Variants in SLC14A2 observed in about 807,000 individuals in gnomAD.
The protein encoded by SLC14A2 is urea transporter 2.
In SLC14A2, 91 loss-of-function variants were observed where a neutral mutation model predicts 104.6. The observed-to-expected ratio is 0.87, with a 90% confidence interval of 0.73 to 1.04. SLC14A2 has a LOEUF of 1.04. Ranked by LOEUF, SLC14A2 falls within the 50% of genes least tolerant of loss-of-function variation. SLC14A2 has a pLI of 0.00. For synonymous variants in SLC14A2, 476 were observed against 466.4 expected (o/e 1.02, Z -0.27); for missense variants, 1,189 against 1,156.0 (o/e 1.03, Z -0.41).
chr18:45,593,418 ATAATAT>A (rs1019177190), intron 2 of SLC14A2, among the ~76,000 whole-genome samples: 1 of 151,854 alleles, frequency 6.6e-6, no homozygotes, highest in African/African-American at 2.4e-5. Flanking sequence ...CCAAACAATA[ATAATAT>A]TAATAATAGT....
chr18:45,174,061 A>G, the SLC14A2 span, among the ~76,000 whole-genome samples: 2 of 152,248 alleles, frequency 1.3e-5, no homozygotes, highest in South Asian at 4.1e-4. Flanking sequence ...AGTGTATGTT[A>G]CCAGGTCAAT....
intron 2 of SLC14A2, among the ~76,000 whole-genome samples, chr18:45,535,663 C>G (rs1355089835): frequency 1.3e-5 from 2 of 152,124 alleles, no homozygotes; most frequent in South Asian, 2.1e-4. Context: ...TTTGAGTGAG[C>G]AAAAGGCCTG....
At chr18:45,426,574 A>G (rs1247751675) in intron 1 of SLC14A2, among the ~76,000 whole-genome samples, 1 of 150,448 alleles carries the variant, frequency 6.6e-6, no homozygotes, top group Non-Finnish European at 1.5e-5. Flanking sequence ...GTATACACAC[A>G]TATATATAGT....
At chr18:45,224,635 T>C (rs2084096036) in intron 1 of SLC14A2, among the ~76,000 whole-genome samples, 1 of 152,092 alleles carries the variant, frequency 6.6e-6, no homozygotes, top group Non-Finnish European at 1.5e-5. Context: ...CCAGCCAGTG[T>C]GTTAAGCATT....
chr18:45,429,261 C>T (rs1486442396), intron 1 of SLC14A2, among the ~76,000 whole-genome samples: 1 of 152,188 alleles, frequency 6.6e-6, no homozygotes, highest in Admixed American at 6.5e-5. Flanking sequence ...CTACTTATTA[C>T]ATGAATAAAT....
At chr18:45,403,556 T>G (rs1007180535) in intron 1 of SLC14A2, among the ~76,000 whole-genome samples, 1 of 152,140 alleles carries the variant, frequency 6.6e-6, no homozygotes, top group Admixed American at 6.5e-5. Flanking sequence ...CTCCTCCTCA[T>G]GTGAGCTGGC....
intron 1 of SLC14A2, among the ~76,000 whole-genome samples, chr18:45,288,564 C>A (rs1158796915): frequency 1.3e-5 from 2 of 152,280 alleles, no homozygotes; most frequent in East Asian, 1.9e-4. Context: ...CAATCTCTAG[C>A]TTCTCTATGT....
chr18:45,183,737 T>C, the SLC14A2 span, among the ~76,000 whole-genome samples: 2 of 151,398 alleles, frequency 1.3e-5, no homozygotes, highest in African/African-American at 4.9e-5. Context: ...TCTTTCTTTC[T>C]TTTCTTTCTT....
chr18:45,510,938 T>C (rs1182799141), intron 2 of SLC14A2, among the ~76,000 whole-genome samples: 1 of 152,210 alleles, frequency 6.6e-6, no homozygotes. Context: ...CAAATGCTGT[T>C]ATTTTTAATA....
upstream of SLC14A2, among the ~76,000 whole-genome samples, chr18:45,209,132 C>G (rs1196284739): frequency 7.0e-6 from 1 of 143,194 alleles, no homozygotes; most frequent in Non-Finnish European, 1.5e-5. Flanking sequence ...GTCAGTAGAT[C>G]GAGACCACAC....
intron 1 of SLC14A2, among the ~76,000 whole-genome samples, chr18:45,296,818 G>C: frequency 9.7e-6 from 1 of 102,708 alleles, no homozygotes; most frequent in South Asian, 2.9e-4. Flanking sequence ...ATTTTTCCCA[G>C]GGTAGCCGTC....
chr18:45,452,517 G>A (rs898555471), intron 1 of SLC14A2, among the ~76,000 whole-genome samples: 1 of 152,166 alleles, frequency 6.6e-6, no homozygotes, highest in African/African-American at 2.4e-5. Context: ...GGGAAACAAT[G>A]CAACAAAGAA....
chr18:45,455,750 C>T (rs186036326), intron 1 of SLC14A2, among the ~76,000 whole-genome samples: 1 of 152,110 alleles, frequency 6.6e-6, no homozygotes, highest in African/African-American at 2.4e-5. Flanking sequence ...TGTCTGTGGT[C>T]TCATGGAACT....
chr18:45,254,127 G>A (rs2084451146), intron 1 of SLC14A2, among the ~76,000 whole-genome samples: 1 of 152,200 alleles, frequency 6.6e-6, no homozygotes, highest in Non-Finnish European at 1.5e-5. Context: ...CAGCCAGGCA[G>A]TGTCCATCCT....
At position 45,547,086 on chromosome 18, in the gene SLC14A2, G is replaced by C. The variant is rs755423211; in HGVS notation, c.-35+63764G>C. Among the ~76,000 whole-genome samples, 55 of 152,112 alleles carry C rather than the reference G, an allele frequency of 3.6e-4. 2 individuals carry two copies. The highest frequency in any genetic ancestry group is 3.3e-3 in the South Asian group (16 of 4,808). Reference sequence around the variant, plus strand: ...GATTAGGGCATGGGCTAATCAGACGGTCCAGAGCTCCTTCATGTCCCAGGT... The same window carrying C: ...GATTAGGGCATGGGCTAATCAGACGCTCCAGAGCTCCTTCATGTCCCAGGT... On this transcript the variant is annotated intron_variant, in intron 2 of 20. Coordinates refer to the SLC14A2 transcript ENST00000586448.
intron 1 of SLC14A2, among the ~76,000 whole-genome samples, chr18:45,426,544 ATG>A (rs138158754): frequency 0.29 from 37,961 of 130,874 alleles, 5,165 homozygotes; most frequent in South Asian, 0.46. Context: ...TGAGATCAGC[ATG>A]TGTGTGTGTG....
chr18:45,658,441 T>C (rs751523965), intron 10 of SLC14A2, among the ~76,000 whole-genome samples: 1 of 151,816 alleles, frequency 6.6e-6, no homozygotes, highest in Non-Finnish European at 1.5e-5. Flanking sequence ...ATTAGCCGGG[T>C]GTAGTGTCTC....
At chr18:45,640,357 A>G (rs890689512) in intron 7 of SLC14A2, among the ~76,000 whole-genome samples, 1 of 151,972 alleles carries the variant, frequency 6.6e-6, no homozygotes, top group African/African-American at 2.4e-5. Context: ...GGAGCTGAGG[A>G]TGCTGGAGAG....
rs79092277 is a variant in SLC14A2, at chr18:45,378,010, A to G, written c.-124-105223A>G. On this transcript the variant is annotated intron_variant, in intron 1 of 20. Coordinates refer to the SLC14A2 transcript ENST00000586448. ...TACCCCCAACAATCACCATAAAAAA[A>G]TGCACACATCTTTCAAAATTCCTGT... 6.4e-3 allele frequency among the ~76,000 whole-genome samples: 980 copies of G among 152,320 alleles called. 7 individuals are homozygous for G. Among genetic ancestry groups the G allele is most frequent in the Non-Finnish European group, 0.01 (707 of 68,030 alleles).
Sources: allele counts gnomAD v4.1 joint callset (sites outside exome capture counted in the v4.1 genomes callset), GRCh38; gene constraint gnomAD v4.1.1; transcripts MANE v1.5; gene names NCBI Gene and HGNC (gene_info 2026-07-23, HGNC 2026-07-21).